ERI3: variants seen among roughly 807,000 people sequenced by gnomAD.
The protein encoded by ERI3 is ERI1 exoribonuclease 3.
In ERI3, 18 loss-of-function variants were observed where a neutral mutation model predicts 44.4. The ratio of observed to expected loss-of-function variants is 0.41; its 90% CI spans 0.28 to 0.60. The LOEUF is 0.60. Ranked by LOEUF, ERI3 falls within the 20% of genes least tolerant of loss-of-function variation. The pLI is 0.36. For missense variants in ERI3, 294 were observed against 435.5 expected, an observed-to-expected ratio of 0.68 and a Z score of 2.89; for synonymous variants, 183 against 164.8, an observed-to-expected ratio of 1.11 and a Z score of -0.84.
intron 6 of ERI3, among the ~76,000 whole-genome samples, chr1:44,301,440 T>C (rs1435073758): frequency 6.6e-6 from 1 of 152,220 alleles, no homozygotes; most frequent in African/African-American, 2.4e-5. Flanking sequence ...TTGGCTTTTC[T>C]GCTTTTGTGG....
chr1:44,294,130 C>T (rs185897570), intron 6 of ERI3, among the ~76,000 whole-genome samples: 14 of 152,342 alleles, frequency 9.2e-5, no homozygotes, highest in Admixed American at 8.5e-4. Context: ...CCCTATAGTA[C>T]AGATGAAAGG....
At chr1:44,338,612 A>G (rs1337203842) in intron 3 of ERI3, among the ~76,000 whole-genome samples, 1 of 152,198 alleles carries the variant, frequency 6.6e-6, no homozygotes, top group East Asian at 1.9e-4. Flanking sequence ...ACTGTATTCT[A>G]TTAGCTATAC....
chr1:44,233,499 G>A (rs182276960), intron 8 of ERI3, among the ~76,000 whole-genome samples: 35 of 151,836 alleles, frequency 2.3e-4, no homozygotes, highest in African/African-American at 8.0e-4. Flanking sequence ...TGCCTCCCGG[G>A]TTCAAGCGAT....
intron 7 of ERI3, among the ~76,000 whole-genome samples, chr1:44,270,510 T>C (rs1645068943): frequency 1.3e-5 from 2 of 152,116 alleles, no homozygotes; most frequent in Admixed American, 6.6e-5. Flanking sequence ...ACACCTAGGT[T>C]TAAATCCAGG....
chr1:44,228,109 C>T lies in ERI3; in HGVS notation c.932-6469G>A, dbSNP rs1644088944. Among the ~76,000 whole-genome samples, 1 of 152,030 alleles carries T rather than the reference C, an allele frequency of 6.6e-6. No homozygotes were observed. Among genetic ancestry groups the T allele is most frequent in the South Asian group, 2.1e-4 (1 of 4,820 alleles). On this transcript the variant is annotated intron_variant, in intron 8 of 8. Transcript: ENST00000372257. This position sits in a 1 kb window ranked among gnomAD's most constrained non-coding sequence, Gnocchi z 4.3. ...CCCATTCACGGCCACCTTGGCCCAC[C>T]CGACCCACTTCCTAGACACACACTC...
At position 44,310,959 on chromosome 1, in the gene ERI3, GCGCGCACACACACACA is replaced by G. The variant is rs1305382758; in HGVS notation, c.666+2194_666+2209del. The stretch of plus-strand genomic sequence containing the variant: ...TTGCATGTATGTGCACATCGCGCGC[GCGCGCACACACACACA>G]CACACACACACACACACACACACAC... On this transcript the variant is annotated intron_variant, in intron 5 of 8. Transcript: ENST00000372257. Among the ~76,000 whole-genome samples the G allele has an allele frequency of 4.8e-4, 39 of 81,280 alleles. 1 individual carries two copies. The highest frequency in any genetic ancestry group is 3.3e-3 in the South Asian group (6 of 1,824). The allele number at this position is 81,280 out of a possible 152,430, so 53.3% of individuals were successfully genotyped here.
At chr1:44,302,481 T>C (rs1237547229) in intron 6 of ERI3, among the ~76,000 whole-genome samples, 1 of 152,204 alleles carries the variant, frequency 6.6e-6, no homozygotes, top group Non-Finnish European at 1.5e-5. Flanking sequence ...CGATGCCCCA[T>C]GTGCTTCCAA....
chr1:44,238,729 T>C (rs1455014693), intron 8 of ERI3, among the ~76,000 whole-genome samples: 1 of 151,892 alleles, frequency 6.6e-6, no homozygotes, highest in African/African-American at 2.4e-5. Context: ...AGTATAGGAC[T>C]GAACCCCATC....
intron 8 of ERI3, among the ~76,000 whole-genome samples, chr1:44,245,192 T>C (rs1426752854): frequency 6.6e-6 from 1 of 152,010 alleles, no homozygotes; most frequent in African/African-American, 2.4e-5. Context: ...ATTAAAGCTG[T>C]CTCTTTGGTG....
intron 2 of ERI3, among the ~76,000 whole-genome samples, chr1:44,349,140 G>A (rs1343876231): frequency 1.3e-5 from 2 of 152,080 alleles, no homozygotes; most frequent in African/African-American, 4.8e-5. Context: ...ACTGAAAAAA[G>A]TTCTGGGATT....
At chr1:44,354,857 G>T in intron 1 of ERI3, 35 bp downstream of exon 1, 1 of 1,314,774 alleles carries the variant, frequency 7.6e-7, no homozygotes, top group Non-Finnish European at 9.8e-7. Flanking sequence ...ATTAACCAGG[G>T]CCCAATCTTG....
At chr1:44,262,609 C>G (rs1263521126) in intron 7 of ERI3, among the ~76,000 whole-genome samples, 1 of 152,220 alleles carries the variant, frequency 6.6e-6, no homozygotes, top group Non-Finnish European at 1.5e-5. Flanking sequence ...ACGCTTGTGG[C>G]AGGCGCAGGG....
At chr1:44,266,353 C>A (rs911441064) in intron 7 of ERI3, among the ~76,000 whole-genome samples, 4 of 152,324 alleles carry the variant, frequency 2.6e-5, no homozygotes, top group African/African-American at 7.2e-5. Context: ...ACCATACAGG[C>A]TATCTTGACA....
At chr1:44,342,694 T>C (rs2154331597) in intron 2 of ERI3, among the ~76,000 whole-genome samples, 1 of 149,124 alleles carries the variant, frequency 6.7e-6, no homozygotes, top group East Asian at 2.0e-4. Context: ...TTGCCCAGGC[T>C]GCAGTGCAGC....
Position 44,241,407 on chromosome 1 carries a change from G to A in ERI3, c.931+6532C>T, listed in dbSNP as rs1183129472. 1.3e-5 allele frequency among the ~76,000 whole-genome samples: 2 copies of A among 152,000 alleles called. No homozygotes were observed. The highest frequency in any genetic ancestry group is 2.9e-5 in the Non-Finnish European group (2 of 68,000). On this transcript the variant is annotated intron_variant, in intron 8 of 8. Coordinates refer to ENST00000372257, the MANE Select transcript of ERI3 (RefSeq NM_024066.3). The surrounding 1 kb of genome is among the most constrained non-coding windows in gnomAD (Gnocchi z 5.6). ...CACCGCCCAGTGCTTGGTGGGCACC[G>A]CACGCCCTCACACACACTCAAACAC...
intron 6 of ERI3, among the ~76,000 whole-genome samples, chr1:44,303,912 T>C (rs899660931): frequency 3.3e-5 from 5 of 152,164 alleles, no homozygotes; most frequent in African/African-American, 1.2e-4. Flanking sequence ...ATGATCATCT[T>C]GACTAGGGCA....
rs769821211 is a variant in ERI3, at chr1:44,352,887, G to A, written c.174C>T (p.Ser58=). The A allele has an allele frequency of 6.2e-7, 1 of 1,614,140 alleles. No homozygotes were observed. The highest frequency in any genetic ancestry group is 1.3e-5 in the African/African-American group (1 of 75,010). The part of the protein sequence containing the change: ...GFPALTEPSA[S]PAAGLGIFEV... ...CGAAGATGCCAAGACCGGCAGCTGG[G>A]GATGCTGAAGGTTCTGTGAGAGCTG... Residue 58 remains serine, a synonymous_variant, in exon 2 of 9, where the codon TCC becomes TCT. Transcript: ENST00000372257.
At chr1:44,259,689 G>GACAGACACACACACACAC (rs1553185528) in intron 7 of ERI3, among the ~76,000 whole-genome samples, 14 of 140,382 alleles carry the variant, frequency 1.0e-4, no homozygotes, top group African/African-American at 3.9e-4. Flanking sequence ...AAAACACACA[G>GACAGACACACACACACAC]ACACACACAC....
intron 7 of ERI3, among the ~76,000 whole-genome samples, chr1:44,261,999 GT>G (rs1473567291): frequency 2.6e-5 from 4 of 152,150 alleles, no homozygotes; most frequent in African/African-American, 7.2e-5. Flanking sequence ...GCTTGGGGTC[GT>G]TCCCGAAGGC....
Sources: gnomAD v4.1 joint callset for allele counts (sites outside exome capture counted in the v4.1 genomes callset) on GRCh38, gnomAD v4.1.1 for gene constraint, Gnocchi (gnomAD v3.1) non-coding constraint, MANE v1.5 for transcripts, NCBI Gene and HGNC (gene_info 2026-07-23, HGNC 2026-07-21) for gene names.